Variants in IL17A observed in about 807,000 individuals in gnomAD.
IL17A encodes interleukin 17A, also known as interleukin-17A.
IL17A carries 1 observed loss-of-function variant against 7.2 expected under a neutral mutation model. The ratio of observed to expected loss-of-function variants is 0.14; its 90% CI spans 0.05 to 0.66. The LOEUF (loss-of-function observed/expected upper bound fraction) is 0.66. IL17A is among the 30% of genes least tolerant of loss of function. IL17A has a pLI of 0.84. For missense variants in IL17A, 191 were observed against 197.1 expected (o/e 0.97, Z 0.18); for synonymous variants, 90 against 77.7 (o/e 1.16, Z -0.83).
chr6:52,186,789 C>T (rs186573095), intron 1 of IL17A, among the ~76,000 whole-genome samples: 20 of 152,214 alleles, frequency 1.3e-4, no homozygotes, highest in Admixed American at 6.5e-4. Flanking sequence ...AATTCTCCCA[C>T]GGCATTTTTC....
At chr6:52,188,198 G>A (rs1228554160) in intron 2 of IL17A, among the ~76,000 whole-genome samples, 2 of 152,052 alleles carry the variant, frequency 1.3e-5, no homozygotes, top group African/African-American at 2.4e-5. Flanking sequence ...AATAATTAGG[G>A]TTTTTTACTT....
At position 52,189,191 on chromosome 6, in the gene IL17A, C is replaced by G. The variant is rs766719721; in HGVS notation, c.367C>G (p.Arg123Gly). Residue 123 changes from arginine (R) to glycine (G), a missense_variant, in exon 3 of 3, where the codon CGC (arginine) becomes GGC (glycine). By Grantham distance (125) the Arg-to-Gly change is moderately radical (BLOSUM62 -2). Transcript: ENST00000648244. The part of the protein sequence containing the change: ...VPIQQEILVL[R>G]REPPHCPNSF... ...CATCCAGCAAGAGATCCTGGTCCTG[C>G]GCAGGGAGCCTCCACACTGCCCCAA... The G allele has an allele frequency of 6.2e-7, 1 of 1,614,036 alleles. No homozygotes were observed. The highest frequency in any genetic ancestry group is 1.7e-5 in the Admixed American group (1 of 60,012).
intron 2 of IL17A, 119 bp downstream of exon 2, chr6:52,187,924 G>T (rs1763313417): frequency 1.2e-6 from 1 of 865,404 alleles, no homozygotes; most frequent in Admixed American, 2.1e-5. Flanking sequence ...AAACCTGGAA[G>T]GACCACTGTG....
intron 1 of IL17A, among the ~76,000 whole-genome samples, chr6:52,186,683 T>A (rs1318800808): frequency 6.6e-6 from 1 of 152,222 alleles, no homozygotes; most frequent in Admixed American, 6.5e-5. Flanking sequence ...ATAGCTATAT[T>A]GGGGCTAAAC....
Position 52,189,862 on chromosome 6 carries a change from TA to T in IL17A, c.*574del. The stretch of plus-strand genomic sequence containing the variant: ...TATAGTATTTCCTCCTCTTTGTTTT[TA>T]AAAGTTATAACATGGCTGAAAAGAA... On this transcript the variant is annotated 3_prime_UTR_variant, in exon 3 of 3. Coordinates refer to ENST00000648244, the MANE Select transcript of IL17A (RefSeq NM_002190.3). 6.6e-6 allele frequency: 1 copy of T among 152,354 alleles called. No homozygotes were observed. The highest frequency in any genetic ancestry group is 2.1e-4 in the South Asian group (1 of 4,828). 9.4% of individuals were successfully genotyped at this position (152,354 alleles called of 1,614,324 possible).
Position 52,187,815 on chromosome 6 carries a change from G to A in IL17A, c.230+10G>A, listed in dbSNP as rs764224782. The stretch of plus-strand genomic sequence containing the variant: ...CACCTTGGAATCTCCAGTACGTAAA[G>A]CTTCCAGATAAAAATGCTATATTCT... On this transcript the variant is annotated intron_variant, in intron 2 of 2. Coordinates refer to ENST00000648244, the MANE Select transcript of IL17A (RefSeq NM_002190.3). The A allele has an allele frequency of 6.2e-7, 1 of 1,607,610 alleles. No individual in the cohort carries two copies. Among genetic ancestry groups the A allele is most frequent in the Non-Finnish European group, 8.5e-7 (1 of 1,174,126 alleles).
In IL17A at chr6:52,189,816, T is replaced by G. The variant is rs1027670508; in HGVS notation, c.*524T>G. 6.6e-6 allele frequency: 1 copy of G among 152,306 alleles called. No individual in the cohort carries two copies. Among genetic ancestry groups the G allele is most frequent in the Non-Finnish European group, 1.5e-5 (1 of 68,128 alleles). 9.4% of individuals were successfully genotyped at this position (152,306 alleles called of 1,614,324 possible). A position where few individuals can be genotyped will look rare whatever the true frequency, so the allele number is the denominator to read the frequency against. On this transcript the variant is annotated 3_prime_UTR_variant, in exon 3 of 3. Coordinates refer to ENST00000648244, the MANE Select transcript of IL17A (RefSeq NM_002190.3). ...GAATTAAATGGCAGTGCAAAATTTCTGAGTCTTTACAACATACGGATATAG... is the reference window on the plus strand; with the variant it reads ...GAATTAAATGGCAGTGCAAAATTTCGGAGTCTTTACAACATACGGATATAG...
rs1055681519 is a variant in IL17A, at chr6:52,189,328, G to A, written c.*36G>A. ...GAGCCCACACTCCCCAAAGCAGTTA[G>A]ACTATGGAGAGCCGACCCAGCCCCT... On this transcript the variant is annotated 3_prime_UTR_variant, in exon 3 of 3. Coordinates refer to ENST00000648244, the MANE Select transcript of IL17A (RefSeq NM_002190.3). 1.9e-6 allele frequency: 3 copies of A among 1,543,790 alleles called. No individual in the cohort carries two copies. The highest frequency in any genetic ancestry group is 2.7e-5 in the African/African-American group (2 of 73,414).
chr6:52,189,048 T>A lies in IL17A; in HGVS notation c.231-7T>A. On this transcript the variant is annotated splice_region_variant and splice_polypyrimidine_tract_variant and intron_variant, in intron 2 of 2. Transcript: ENST00000648244. Reference sequence around the variant, plus strand: ...CACTTTCCTCCTGATTTTTCTCCCCTCTGCAGCCGCAATGAGGACCCTGAG... The same window carrying A: ...CACTTTCCTCCTGATTTTTCTCCCCACTGCAGCCGCAATGAGGACCCTGAG... The A allele has an allele frequency of 6.2e-7, 1 of 1,603,276 alleles. No homozygotes were observed. Among genetic ancestry groups the A allele is most frequent in the Non-Finnish European group, 8.5e-7 (1 of 1,170,824 alleles).
rs1314322334 is a variant in IL17A at position 52,190,098 on chromosome 6, A to G, written c.*806A>G. 6.6e-6 allele frequency: 1 copy of G among 152,168 alleles called. No individual in the cohort carries two copies. The highest frequency in any genetic ancestry group is 1.5e-5 in the Non-Finnish European group (1 of 68,022). 9.4% of individuals were successfully genotyped at this position (152,168 alleles called of 1,614,324 possible). A position where few individuals can be genotyped will look rare whatever the true frequency, so the allele number is the denominator to read the frequency against. On this transcript the variant is annotated 3_prime_UTR_variant, in exon 3 of 3. Coordinates refer to ENST00000648244, the MANE Select transcript of IL17A (RefSeq NM_002190.3). ...TTCCCTATTGGGAAGAGTTATGCAA[A>G]TTCTCCTATAAGCAAAACAAAGCAT... is the stretch of plus-strand genomic sequence containing the variant.
rs1763285113 is a variant in IL17A at position 52,186,415 on chromosome 6, G to T, written c.-17G>T. 4 of 1,613,792 alleles carry T rather than the reference G, an allele frequency of 2.5e-6. No individual in the cohort carries two copies. The East Asian group carries it at 8.9e-5, about 36-fold the overall frequency. ...GGCACAAACTCATCCATCCCCAGTT[G>T]ATTGGAAGAAACAACGATGACTCCT... On this transcript the variant is annotated 5_prime_UTR_variant, in exon 1 of 3. Coordinates refer to ENST00000648244, the MANE Select transcript of IL17A (RefSeq NM_002190.3).
chr6:52,188,316 TA>T (rs1185056410), intron 2 of IL17A, among the ~76,000 whole-genome samples: 2 of 152,196 alleles, frequency 1.3e-5, no homozygotes, highest in Non-Finnish European at 2.9e-5. Flanking sequence ...CTAACATACC[TA>T]TGCTTGCTGT....
rs371175650 is a variant in IL17A, at chr6:52,189,113, T to C, written c.289T>C (p.Leu97=). 2 of 1,614,152 alleles carry C rather than the reference T, an allele frequency of 1.2e-6. No individual in the cohort carries two copies. Among genetic ancestry groups the C allele is most frequent in the South Asian group, 1.1e-5 (1 of 91,082 alleles). ...GATCTGGGAGGCAAAGTGCCGCCAC[T>C]TGGGCTGCATCAACGCTGATGGGAA... ...SVIWEAKCRH[L]GCINADGNVD... The change falls in exon 3 of 3, where the codon TTG becomes CTG. Residue 97 remains leucine (L), a synonymous_variant. Coordinates refer to ENST00000648244, the MANE Select transcript of IL17A (RefSeq NM_002190.3).
At chr6:52,186,882 A>G (rs960589872) in intron 1 of IL17A, among the ~76,000 whole-genome samples, 7 of 152,210 alleles carry the variant, frequency 4.6e-5, no homozygotes, top group Admixed American at 4.6e-4. Context: ...CCATATTCTC[A>G]GTACATTGAA....
intron 2 of IL17A, among the ~76,000 whole-genome samples, chr6:52,188,733 T>C (rs1562346305): frequency 6.6e-6 from 1 of 152,206 alleles, no homozygotes; most frequent in Non-Finnish European, 1.5e-5. Context: ...TCTTCTTCTG[T>C]CTGTCAAATG....
chr6:52,186,874 A>G (rs568165804), intron 1 of IL17A, among the ~76,000 whole-genome samples: 3 of 152,324 alleles, frequency 2.0e-5, no homozygotes, highest in Admixed American at 1.3e-4. Context: ...ATCTCGTACC[A>G]TATTCTCAGT....
Position 52,189,411 on chromosome 6 carries a change from T to C in IL17A, c.*119T>C, listed in dbSNP as rs1763339522. 1 of 692,380 alleles carries C rather than the reference T, an allele frequency of 1.4e-6. No homozygotes were observed. Among genetic ancestry groups the C allele is most frequent in the Admixed American group, 2.7e-5 (1 of 36,880 alleles). The allele number at this position is 692,380 out of a possible 1,614,324, so 42.9% of individuals were successfully genotyped here. On this transcript the variant is annotated 3_prime_UTR_variant, in exon 3 of 3. Transcript: ENST00000648244. The stretch of plus-strand genomic sequence containing the variant: ...TTCGGACTAAACTCATTAGAGTTCT[T>C]AAGGCAGTTTGTCCAATTAAAGCTT...
chr6:52,190,277 C>A lies in IL17A; in HGVS notation c.*985C>A, dbSNP rs1763356304. The A allele has an allele frequency of 1.3e-5, 2 of 152,040 alleles. No homozygotes were observed. Among genetic ancestry groups the A allele is most frequent in the South Asian group, 4.1e-4 (2 of 4,822 alleles). 9.4% of individuals were successfully genotyped at this position (152,040 alleles called of 1,614,324 possible). ...GGAATAGAGCAAATAAGATAATGGC[C>A]CTGAGGAATGGCATGTCATTATTAA... On this transcript the variant is annotated 3_prime_UTR_variant, in exon 3 of 3. Transcript: ENST00000648244.
chr6:52,188,295 T>C (rs1763318282), intron 2 of IL17A, among the ~76,000 whole-genome samples: 1 of 152,200 alleles, frequency 6.6e-6, no homozygotes, highest in South Asian at 2.1e-4. Flanking sequence ...TAAATAGTCT[T>C]GATCTACTTC....
Sources: gnomAD v4.1 joint callset for allele counts (sites outside exome capture counted in the v4.1 genomes callset) on GRCh38, gnomAD v4.1.1 for gene constraint, MANE v1.5 for transcripts, NCBI Gene and HGNC (gene_info 2026-07-23, HGNC 2026-07-21) for gene names.